Variants in KLHL4 observed in about 807,000 individuals in gnomAD.
The protein encoded by KLHL4 is kelch like family member 4, also known as kelch-like protein 4.
A neutral mutation model predicts 45.8 loss-of-function variants in KLHL4; 17 were observed. The observed-to-expected ratio is 0.37, with a 90% CI of 0.25 to 0.56. KLHL4 has a LOEUF of 0.56. KLHL4 is among the 20% of genes least tolerant of loss of function. The pLI is 0.79. For synonymous variants in KLHL4, 224 were observed against 189.9 expected (o/e 1.18, Z -1.47); for missense variants, 544 against 544.9 (o/e 1.00, Z 0.02).
chrX:87,659,587 TA>T (rs946486526), intron 9 of KLHL4, among the ~76,000 whole-genome samples: 4 of 65,265 alleles, frequency 6.1e-5, no homozygotes, highest in African/African-American at 1.6e-4. Context: ...TTCTTTATTA[TA>T]TTTTTTTTAA....
intron 1 of KLHL4, among the ~76,000 whole-genome samples, chrX:87,542,541 T>G (rs1434745565): frequency 8.9e-6 from 1 of 112,572 alleles, no homozygotes; most frequent in Non-Finnish European, 1.9e-5. Context: ...TAAAATCTAA[T>G]GACAGCCCAG....
chrX:87,622,507 T>G (rs1012692833), intron 5 of KLHL4, 84 bp downstream of exon 5: 3 of 625,317 alleles, frequency 4.8e-6, no homozygotes, highest in Non-Finnish European at 7.2e-6. Context: ...CCTAATTTTA[T>G]TTTTTCAGAA....
At chrX:87,544,681 G>A (rs1931637377) in intron 1 of KLHL4, among the ~76,000 whole-genome samples, 1 of 111,710 alleles carries the variant, frequency 9.0e-6, no homozygotes, top group East Asian at 2.8e-4. Context: ...GAATTCTCCT[G>A]GATCTAGTGC....
intron 1 of KLHL4, among the ~76,000 whole-genome samples, chrX:87,550,208 G>T (rs1931781005): frequency 9.0e-6 from 1 of 110,966 alleles, no homozygotes; most frequent in Non-Finnish European, 1.9e-5. Context: ...TAACCAGGAA[G>T]AAATTCAAAA....
chrX:87,542,720 G>A (rs911326503), intron 1 of KLHL4, among the ~76,000 whole-genome samples: 28 of 111,905 alleles, frequency 2.5e-4, no homozygotes, highest in Admixed American at 2.2e-3. Flanking sequence ...GATTTTACAG[G>A]CTCTTAGGCA....
chrX:87,558,456 T>C (rs1932027826), intron 1 of KLHL4, among the ~76,000 whole-genome samples: 1 of 111,912 alleles, frequency 8.9e-6, no homozygotes, highest in South Asian at 3.7e-4. Context: ...TCAATCATCT[T>C]ATATGGTAAT....
In KLHL4 at chrX:87,668,917, G is replaced by GA. The variant is rs1444790806; in HGVS notation, c.*2387dup. ...TACCCAGGTTCTGTTTTAAGCCTCA[G>GA]AAAATGAACTAAGACAATGCCCTAG... On this transcript the variant is annotated 3_prime_UTR_variant, in exon 11 of 11. Coordinates refer to ENST00000373119, the MANE Select transcript of KLHL4 (RefSeq NM_019117.5). 2.2e-5 allele frequency: 16 copies of GA among 743,556 alleles called. No individual in the cohort carries two copies. Among genetic ancestry groups the GA allele is most frequent in the Non-Finnish European group, 2.5e-5 (16 of 631,167 alleles). 61.3% of individuals were successfully genotyped at this position (743,556 alleles called of 1,213,427 possible).
At chrX:87,625,141 A>T (rs753197953) in intron 5 of KLHL4, among the ~76,000 whole-genome samples, 8 of 112,964 alleles carry the variant, frequency 7.1e-5, no homozygotes, top group Non-Finnish European at 9.4e-5. Context: ...ATATGTGTAC[A>T]TATTCAAAGG....
At chrX:87,574,362 T>C (rs1921028593) in intron 1 of KLHL4, among the ~76,000 whole-genome samples, 1 of 111,623 alleles carries the variant, frequency 9.0e-6, no homozygotes, top group South Asian at 3.7e-4. Context: ...CAAATTATGC[T>C]TTAAAAAAAT....
In KLHL4 at chrX:87,518,152, G is replaced by A. The variant is rs368021912; in HGVS notation, c.259G>A (p.Ala87Thr). ...VPGPAPAHQR[A>T]VQNLQQHNLI... Reference sequence around the variant, plus strand: ...AGGACCGGCCCCTGCCCATCAGAGAGCCGTTCAGAATTTGCAGCAACATAA... The same window carrying A: ...AGGACCGGCCCCTGCCCATCAGAGAACCGTTCAGAATTTGCAGCAACATAA... Residue 87 changes from alanine (A) to threonine (T), a missense_variant, in exon 1 of 11, where the codon GCC (alanine) becomes ACC (threonine). Coordinates refer to ENST00000373119, the MANE Select transcript of KLHL4 (RefSeq NM_019117.5). 2.5e-6 allele frequency: 3 copies of A among 1,210,375 alleles called. No individual in the cohort carries two copies. Among genetic ancestry groups the A allele is most frequent in the Non-Finnish European group, 3.4e-6 (3 of 895,402 alleles).
At chrX:87,634,159 G>A (rs1027410146) in intron 8 of KLHL4, among the ~76,000 whole-genome samples, 1 of 111,748 alleles carries the variant, frequency 8.9e-6, no homozygotes, top group Non-Finnish European at 1.9e-5. Context: ...TCCACCTTTC[G>A]TATTTAGAAA....
chrX:87,518,443 T>TC (rs1930934902), intron 1 of KLHL4, 128 bp downstream of exon 1: 1 of 575,637 alleles, frequency 1.7e-6, no homozygotes, highest in Admixed American at 3.4e-5. Flanking sequence ...AATCAGAGTC[T>TC]CTCAGAAACC....
At chrX:87,556,348 AATG>A (rs1931972476) in intron 1 of KLHL4, among the ~76,000 whole-genome samples, 1 of 110,236 alleles carries the variant, frequency 9.1e-6, no homozygotes, top group East Asian at 2.9e-4. Context: ...AGCCATAAAA[AATG>A]ATGAGTTCAT....
At chrX:87,530,605 A>C (rs1268226756) in intron 1 of KLHL4, among the ~76,000 whole-genome samples, 3 of 106,369 alleles carry the variant, frequency 2.8e-5, no homozygotes, top group Non-Finnish European at 5.8e-5. Context: ...TGAACTCATC[A>C]TTTTTTATGG....
intron 1 of KLHL4, among the ~76,000 whole-genome samples, chrX:87,543,360 A>G (rs1157502137): frequency 9.0e-6 from 1 of 111,568 alleles, no homozygotes; most frequent in Non-Finnish European, 1.9e-5. Context: ...CAAGTTAACA[A>G]CTATATACAC....
intron 1 of KLHL4, among the ~76,000 whole-genome samples, chrX:87,586,398 CA>C (rs201009757): frequency 7.3e-5 from 8 of 110,096 alleles, no homozygotes; most frequent in East Asian, 2.8e-4. Flanking sequence ...TTAAAACATT[CA>C]AAAAAAACCT....
chrX:87,573,243 C>A (rs948214076), intron 1 of KLHL4, among the ~76,000 whole-genome samples: 1 of 111,171 alleles, frequency 9.0e-6, no homozygotes, highest in Non-Finnish European at 1.9e-5. Flanking sequence ...GATCCCTGGG[C>A]CATACTCCCA....
At chrX:87,535,277 C>A (rs1353283973) in intron 1 of KLHL4, among the ~76,000 whole-genome samples, 1 of 111,383 alleles carries the variant, frequency 9.0e-6, no homozygotes, top group Non-Finnish European at 1.9e-5. Context: ...TTTCCTAATG[C>A]CTGGCTTCTC....
At chrX:87,521,992 C>G (rs1369543214) in intron 1 of KLHL4, among the ~76,000 whole-genome samples, 1 of 112,555 alleles carries the variant, frequency 8.9e-6, no homozygotes, top group Non-Finnish European at 1.9e-5. Context: ...TTTATGAAAA[C>G]AGACACATGA....
Sources: allele counts gnomAD v4.1 joint callset (sites outside exome capture counted in the v4.1 genomes callset), GRCh38; gene constraint gnomAD v4.1.1; transcripts MANE v1.5; gene names NCBI Gene and HGNC (gene_info 2026-07-23, HGNC 2026-07-21).